Variants in SPEG observed in about 807,000 individuals in gnomAD.
SPEG encodes the protein striated muscle preferentially expressed protein kinase.
Under a neutral mutation model 300.4 loss-of-function variants are expected in SPEG, and 114 were observed. The observed-to-expected ratio is 0.38, with a 90% CI of 0.33 to 0.44. The LOEUF is 0.44. Ranked by LOEUF, SPEG falls within the 20% of genes least tolerant of loss-of-function variation. The probability of loss-of-function intolerance (pLI) is 1.00; values close to 1 mark genes in which losing one functional copy is unlikely to be tolerated. For synonymous variants in SPEG, 1,964 were observed against 2,018.9 expected (o/e 0.97, Z 0.73); for missense variants, 4,201 against 4,586.2 (o/e 0.92, Z 2.43).
intron 1 of SPEG, among the ~76,000 whole-genome samples, chr2:219,435,582 G>A (rs1954696866): frequency 6.6e-6 from 1 of 152,212 alleles, no homozygotes; most frequent in African/African-American, 2.4e-5. Context: ...GAAGGTCAGA[G>A]GTCAAGGGGC....
At chr2:219,478,520 G>A (rs1185909833) in intron 22 of SPEG, among the ~76,000 whole-genome samples, 2 of 152,168 alleles carry the variant, frequency 1.3e-5, no homozygotes, top group Non-Finnish European at 2.9e-5. Context: ...TATTTGTAGT[G>A]ACCCCATTTC....
In SPEG at chr2:219,448,270, C is replaced by G; in HGVS notation, c.1112C>G (p.Ser371Cys). 6.2e-7 allele frequency: 1 copy of G among 1,611,948 alleles called. No homozygotes were observed. Among genetic ancestry groups the G allele is most frequent in the East Asian group, 2.2e-5 (1 of 44,844 alleles). Residue 371 changes from serine (S) to cysteine (C), a missense_variant, in exon 4 of 41, where the codon TCC becomes TGC. Ser to Cys is a moderately radical substitution (Grantham distance 112, BLOSUM62 -1). This residue lies in a region of SPEG where 1,258 missense variants were observed against 1,293.9 expected (regional missense o/e 0.97). Coordinates refer to ENST00000312358, the MANE Select transcript of SPEG (RefSeq NM_005876.5). ...SGPSLAGTAE[S>C]RPQTPLSEAS... The stretch of plus-strand genomic sequence containing the variant: ...CCCTCCCTGGCGGGCACCGCGGAAT[C>G]CCGACCCCAGACGCCACTGAGCGAG...
chr2:219,492,735 G>A lies in SPEG; in HGVS notation c.9753G>A (p.Glu3251=), dbSNP rs758449042. The change falls in exon 41 of 41, where the codon GAG becomes GAA. Residue 3251 remains glutamate (E), a synonymous_variant. Transcript: ENST00000312358. ...FLGEQRRRRA[E]AATRHKVLLR... ...GCGAGCAGCGGCGGCGCCGGGCTGA[G>A]GCTGCCACCCGCCACAAGGTGCTGC... is the stretch of plus-strand genomic sequence containing the variant. The A allele has an allele frequency of 1.9e-5, 29 of 1,562,804 alleles. No individual in the cohort carries two copies. Among genetic ancestry groups the A allele is most frequent in the Non-Finnish European group, 2.3e-5 (27 of 1,158,630 alleles).
At chr2:219,487,460 G>A (rs1693545513) in intron 31 of SPEG, among the ~76,000 whole-genome samples, 2 of 152,250 alleles carry the variant, frequency 1.3e-5, no homozygotes, top group South Asian at 4.1e-4. Flanking sequence ...CAAGCATCCT[G>A]TGGGCGTGGG....
At chr2:219,471,620 C>T in intron 13 of SPEG, 1 of 534,034 alleles carries the variant, frequency 1.9e-6, no homozygotes, top group Non-Finnish European at 3.4e-6. Flanking sequence ...CCTGGCCTGA[C>T]ACACTGGAGG....
rs1692650822 is a variant in SPEG, at chr2:219,479,686, G to C, written c.5086-97G>C. 7 of 1,101,380 alleles carry C rather than the reference G, an allele frequency of 6.4e-6. No individual in the cohort carries two copies. In the East Asian group the frequency reaches 1.7e-4, roughly 26 times the overall value. 68.2% of individuals were successfully genotyped at this position (1,101,380 alleles called of 1,614,324 possible). A position where few individuals can be genotyped will look rare whatever the true frequency, so the allele number is the denominator to read the frequency against. ...AGCCCCTTCCACGAGCCATCTGAAG[G>C]CTACTCCACAGGCACAGCCGGACCG... On this transcript the variant is annotated intron_variant, in intron 23 of 40. Transcript: ENST00000312358. The surrounding 1 kb of genome is among the most constrained non-coding windows in gnomAD (Gnocchi z 5.5).
rs1024570373 is a variant in SPEG, at chr2:219,435,179, G to A, written c.202G>A (p.Gly68Arg). ...CGTGCGGCTGCGGGTGGTGGTGAGC[G>A]GGACGCCCCAGCCCAGCCTCCGCTG... ...SDVRLRVVVS[G>R]TPQPSLRWFR... The change falls in exon 1 of 41, where the codon GGG (glycine) becomes AGG (arginine). Residue 68 changes from glycine to arginine, a missense_variant. Coordinates refer to ENST00000312358, the MANE Select transcript of SPEG (RefSeq NM_005876.5). 2.0e-6 allele frequency: 3 copies of A among 1,478,166 alleles called. No individual in the cohort carries two copies. Among genetic ancestry groups the A allele is most frequent in the African/African-American group, 2.9e-5 (2 of 67,924 alleles). 91.6% of individuals were successfully genotyped at this position (1,478,166 alleles called of 1,614,324 possible). A position where few individuals can be genotyped will look rare whatever the true frequency, so the allele number is the denominator to read the frequency against.
In SPEG at chr2:219,469,357, C is replaced by T. The variant is rs200872790; in HGVS notation, c.3693C>T (p.Ser1231=). The change falls in exon 13 of 41, where the codon AGC becomes AGT. Residue 1231 remains serine (S), a synonymous_variant. Coordinates refer to ENST00000312358, the MANE Select transcript of SPEG (RefSeq NM_005876.5). The stretch of plus-strand genomic sequence containing the variant: ...ACAATGGCCACCGCATCCAGAGCAG[C>T]GACGACCGGCGCATGACACAGTGTA... The part of the protein sequence containing the change: ...WFHNGHRIQS[S]DDRRMTQYRD... 2,567 of 1,613,562 alleles carry T rather than the reference C, an allele frequency of 1.6e-3. 2 individuals are homozygous for T. The highest frequency in any genetic ancestry group is 2.0e-3 in the Non-Finnish European group (2,372 of 1,179,828).
chr2:219,483,863 G>T lies in SPEG; in HGVS notation c.6400G>T (p.Gly2134Cys). 6.3e-7 allele frequency: 1 copy of T among 1,595,362 alleles called. No individual in the cohort carries two copies. ...GLQKSSSFSQ[G>C]EAEPRGRHRR... is the part of the protein sequence containing the mutation. ...GCAAAAGAGCAGCAGCTTCTCCCAG[G>T]GTGAGGCGGAGCCCCGGGGCCGGCA... Residue 2134 changes from glycine (G) to cysteine (C), a missense_variant, in exon 30 of 41, where the codon GGT becomes TGT. Gly to Cys is a radical substitution (Grantham distance 159). Coordinates refer to ENST00000312358, the MANE Select transcript of SPEG (RefSeq NM_005876.5).
Position 219,462,049 on chromosome 2 carries a change from AC to A in SPEG, c.2610del (p.Phe871SerfsTer10). ...SSDTGSKAPP[T>X]FKVSLMDQSV... is the part of the protein sequence containing the mutation. ...TGACACTGGCTCCAAGGCACCCCCCACCTTCAAGGTCAGACCCCTGAGGCTG... is the reference window on the plus strand; with the variant it reads ...TGACACTGGCTCCAAGGCACCCCCCACTTCAAGGTCAGACCCCTGAGGCTG... On this transcript the variant is annotated frameshift_variant, in exon 7 of 41. Transcript: ENST00000312358. LOFTEE classifies it high-confidence loss of function. The A allele has an allele frequency of 6.2e-7, 1 of 1,600,430 alleles. No homozygotes were observed.
intron 1 of SPEG, chr2:219,441,650 C>T (rs1688922509): frequency 2.2e-6 from 1 of 461,100 alleles, no homozygotes; most frequent in Non-Finnish European, 4.5e-6. Context: ...AGCTAGAGGC[C>T]ATTGCACCCC....
At chr2:219,469,453 C>G in intron 13 of SPEG, 74 bp downstream of exon 13, 3 of 1,175,666 alleles carry the variant, frequency 2.6e-6, no homozygotes, top group South Asian at 2.8e-5. Flanking sequence ...GCCCCTCTCC[C>G]CAGCTCTCCC....
chr2:219,485,411 T>C lies in SPEG; in HGVS notation c.7675T>C (p.Ser2559Pro). The C allele has an allele frequency of 6.2e-7, 1 of 1,607,934 alleles. No homozygotes were observed. Among genetic ancestry groups the C allele is most frequent in the African/African-American group, 1.3e-5 (1 of 74,774 alleles). Residue 2559 changes from serine to proline, a missense_variant, in exon 31 of 41, where the codon TCG (serine) becomes CCG (proline). Ser to Pro is a moderately conservative substitution (Grantham distance 74, BLOSUM62 -1). Coordinates refer to ENST00000312358, the MANE Select transcript of SPEG (RefSeq NM_005876.5). ...TCGGCCGCGGAAGGACAAGGGGTTA[T>C]CGCCACCAAACCTCTCTGCCAGCGT... ...FSRPRKDKGL[S>P]PPNLSASVQE...
At chr2:219,468,187 C>G (rs984052614) in intron 10 of SPEG, among the ~76,000 whole-genome samples, 6 of 152,056 alleles carry the variant, frequency 3.9e-5, no homozygotes, top group African/African-American at 1.4e-4. Flanking sequence ...GGAGCATGGG[C>G]ATGACCCCAG....
In SPEG at chr2:219,484,541, C is replaced by G. The variant is rs1432792974; in HGVS notation, c.7078C>G (p.Arg2360Gly). 1.3e-6 allele frequency: 2 copies of G among 1,594,702 alleles called. No homozygotes were observed. The highest frequency in any genetic ancestry group is 1.7e-6 in the Non-Finnish European group (2 of 1,174,002). The change falls in exon 30 of 41, where the codon CGC becomes GGC. Residue 2360 changes from arginine (R) to glycine (G), a missense_variant. Coordinates refer to ENST00000312358, the MANE Select transcript of SPEG (RefSeq NM_005876.5). ...GCTGAGCCGTTCGCGCTCGGAGGAG[C>G]GCGGCCCCTTCCGTGGGGCCGAGGA... Reference protein sequence around the residue: ...RLLSRSRSEERGPFRGAEEED... With the variant: ...RLLSRSRSEEGGPFRGAEEED...
rs952655925 is a variant in SPEG at position 219,444,800 on chromosome 2, A to C, written c.479-25A>C. The C allele has an allele frequency of 1.2e-6, 2 of 1,609,016 alleles. No individual in the cohort carries two copies. The highest frequency in any genetic ancestry group is 3.3e-4 in the Middle Eastern group (2 of 6,032). ...GCGGGTTTTCCATAAGGGGTGCCTC[A>C]GTCTCACGGTGCTCCTTTCTCTAGG... On this transcript the variant is annotated intron_variant, in intron 2 of 40. Coordinates refer to ENST00000312358, the MANE Select transcript of SPEG (RefSeq NM_005876.5). This position sits in a 1 kb window ranked among gnomAD's most constrained non-coding sequence, Gnocchi z 7.8.
In SPEG at chr2:219,484,263, C is replaced by T. The variant is rs774545212; in HGVS notation, c.6800C>T (p.Ala2267Val). 6.2e-7 allele frequency: 1 copy of T among 1,609,974 alleles called. No homozygotes were observed. Among genetic ancestry groups the T allele is most frequent in the South Asian group, 1.1e-5 (1 of 91,062 alleles). ...HAQGPSQGPA[A>V]PPSEPKPHAA... is the part of the protein sequence containing the mutation. ...CAGGGCCCCTCGCAGGGCCCTGCCG[C>T]GCCGCCTTCAGAGCCCAAGCCCCAC... The change falls in exon 30 of 41, where the codon GCG becomes GTG. Residue 2267 changes from alanine (A) to valine (V), a missense_variant. Ala to Val is a moderately conservative substitution (Grantham distance 64, BLOSUM62 0). Transcript: ENST00000312358.
Position 219,439,937 on chromosome 2 carries a change from G to C in SPEG, c.388+4572G>C, listed in dbSNP as rs1419080825. On this transcript the variant is annotated intron_variant, in intron 1 of 40. Coordinates refer to ENST00000312358, the MANE Select transcript of SPEG (RefSeq NM_005876.5). This position sits in a 1 kb window ranked among gnomAD's most constrained non-coding sequence, Gnocchi z 4.5. ...ATGGAAAGTGCCCATGGGTGTCCAG[G>C]GTCCTCTGGCTGGAACGAGTGTGGA... is the stretch of plus-strand genomic sequence containing the variant. Among the ~76,000 whole-genome samples the C allele has an allele frequency of 6.6e-6, 1 of 152,172 alleles. No individual in the cohort carries two copies. The highest frequency in any genetic ancestry group is 1.5e-5 in the Non-Finnish European group (1 of 68,040).
intron 14 of SPEG, 56 bp downstream of exon 14, chr2:219,472,043 G>T (rs549279019): frequency 1.3e-6 from 2 of 1,598,024 alleles, no homozygotes; most frequent in East Asian, 4.5e-5. Flanking sequence ...CTGGCACTAC[G>T]TGGGGGCTCA....
Sources: allele counts gnomAD v4.1 joint callset (sites outside exome capture counted in the v4.1 genomes callset), GRCh38; gene constraint gnomAD v4.1.1; regional missense constraint gnomAD v4.1.1; non-coding constraint Gnocchi (gnomAD v3.1); transcripts MANE v1.5; gene names NCBI Gene and HGNC (gene_info 2026-07-23, HGNC 2026-07-21).